The following OLA1 variants were observed in gnomAD, a reference collection of about 807,000 sequenced individuals.
OLA1 encodes obg-like ATPase 1.
OLA1 carries 14 observed loss-of-function variants against 48.4 expected under a neutral mutation model. That is an observed-to-expected ratio of 0.29 (90% confidence interval 0.19 to 0.45). OLA1 has a LOEUF of 0.45. Among genes scored for constraint, OLA1 ranks in the 20% least tolerant of loss-of-function variants. The pLI, the probability that OLA1 is intolerant of heterozygous loss-of-function variation, is 1.00. For synonymous variants in OLA1, 127 were observed against 150.4 expected (o/e 0.84, Z 1.14); for missense variants, 325 against 467.1 (o/e 0.70, Z 2.80).
chr2:174,155,035 T>G (rs895448321), intron 4 of OLA1, among the ~76,000 whole-genome samples: 3 of 152,208 alleles, frequency 2.0e-5, no homozygotes, highest in African/African-American at 7.2e-5. Flanking sequence ...AAATGGTATC[T>G]CCATAGCAAT....
intron 7 of OLA1, among the ~76,000 whole-genome samples, chr2:174,087,366 C>T (rs1685006102): frequency 2.0e-5 from 3 of 151,986 alleles, no homozygotes; most frequent in Admixed American, 2.0e-4. Context: ...TCATCAATAC[C>T]AATTTTTTCT....
intron 4 of OLA1, among the ~76,000 whole-genome samples, chr2:174,199,070 G>A (rs76375715): frequency 2.1e-3 from 312 of 147,780 alleles, no homozygotes; most frequent in African/African-American, 6.8e-3. Flanking sequence ...CATCTCTAAC[G>A]TGCTGGGTGA....
intron 5 of OLA1, among the ~76,000 whole-genome samples, chr2:174,129,241 G>A (rs767041408): frequency 6.6e-6 from 1 of 152,020 alleles, no homozygotes; most frequent in Non-Finnish European, 1.5e-5. Context: ...GGCGGATCAC[G>A]AGGTCAGGAG....
At chr2:174,105,410 T>G (rs1213182322) in intron 7 of OLA1, among the ~76,000 whole-genome samples, 2 of 152,050 alleles carry the variant, frequency 1.3e-5, no homozygotes, top group African/African-American at 4.8e-5. Flanking sequence ...TTGAGTTCTG[T>G]GTTTTCTATT....
chr2:174,153,571 C>CCTAACAGTTA (rs57128112), intron 4 of OLA1, among the ~76,000 whole-genome samples: 80,499 of 151,726 alleles, frequency 0.53, 21,919 homozygotes, highest in East Asian at 0.95. Flanking sequence ...GAAAATTCTG[C>CCTAACAGTTA]CTGGTATTTT....
chr2:174,193,467 T>C (rs1687817826), intron 4 of OLA1, among the ~76,000 whole-genome samples: 1 of 152,162 alleles, frequency 6.6e-6, no homozygotes, highest in South Asian at 2.1e-4. Context: ...TCATGGTTTT[T>C]TGTTGTTGTT....
At chr2:174,215,047 C>CAA (rs527994410) in intron 4 of OLA1, among the ~76,000 whole-genome samples, 3 of 109,752 alleles carry the variant, frequency 2.7e-5, no homozygotes, top group Non-Finnish European at 5.7e-5. Flanking sequence ...GAGACTATCT[C>CAA]AAAAAAAAAA....
intron 7 of OLA1, among the ~76,000 whole-genome samples, chr2:174,113,595 A>AC (rs763304903): frequency 4.6e-5 from 7 of 152,134 alleles, no homozygotes; most frequent in African/African-American, 1.4e-4. Context: ...CTAAAAAAAA[A>AC]CCCACAAATG....
intron 5 of OLA1, among the ~76,000 whole-genome samples, chr2:174,139,848 G>A (rs1686397696): frequency 8.1e-6 from 1 of 123,702 alleles, no homozygotes; most frequent in Non-Finnish European, 1.6e-5. Context: ...CTGGGCAACA[G>A]AGTGAGACTC....
At chr2:174,239,486 A>G (rs1393364118) in intron 2 of OLA1, among the ~76,000 whole-genome samples, 4 of 152,164 alleles carry the variant, frequency 2.6e-5, no homozygotes, top group African/African-American at 4.8e-5. Flanking sequence ...TGAGAGCTGT[A>G]CATAATAACT....
At chr2:174,090,532 G>A (rs1685090448) in intron 7 of OLA1, among the ~76,000 whole-genome samples, 1 of 152,298 alleles carries the variant, frequency 6.6e-6, no homozygotes, top group Admixed American at 6.5e-5. Flanking sequence ...TGGAGTTTGT[G>A]GGAAGGCCTG....
chr2:174,247,578 C>T, intron 1 of OLA1: 1 of 1,515,360 alleles, frequency 6.6e-7, no homozygotes, highest in Non-Finnish European at 8.9e-7. Flanking sequence ...GCAGCCAAGT[C>T]ACCCTTCACA....
intron 2 of OLA1, among the ~76,000 whole-genome samples, chr2:174,238,711 C>T (rs1375498166): frequency 6.6e-6 from 1 of 151,998 alleles, no homozygotes; most frequent in Non-Finnish European, 1.5e-5. Context: ...AATTCTACTT[C>T]TAAATATATA....
chr2:174,086,479 CTA>C, intron 7 of OLA1, among the ~76,000 whole-genome samples: 1 of 152,264 alleles, frequency 6.6e-6, no homozygotes, highest in East Asian at 1.9e-4. Context: ...CCTATATATA[CTA>C]TGTTTTTTCC....
At chr2:174,163,569 A>G (rs1210507291) in intron 4 of OLA1, among the ~76,000 whole-genome samples, 1 of 150,668 alleles carries the variant, frequency 6.6e-6, no homozygotes, top group Non-Finnish European at 1.5e-5. Flanking sequence ...GGCACCTATA[A>G]ATCCCAGCTA....
intron 4 of OLA1, among the ~76,000 whole-genome samples, chr2:174,177,388 T>A (rs1687443803): frequency 6.6e-6 from 1 of 152,158 alleles, no homozygotes; most frequent in African/African-American, 2.4e-5. Flanking sequence ...CGTTTTAGTC[T>A]AATCATCCAT....
At chr2:174,111,879 T>C (rs190756651) in intron 7 of OLA1, among the ~76,000 whole-genome samples, 178 of 152,312 alleles carry the variant, frequency 1.2e-3, no homozygotes, top group Non-Finnish European at 2.0e-3. Flanking sequence ...AGCAATAATA[T>C]GTATTTTCAA....
chr2:174,132,738 A>T (rs955677055), intron 5 of OLA1, among the ~76,000 whole-genome samples: 2 of 152,168 alleles, frequency 1.3e-5, no homozygotes, highest in Middle Eastern at 6.8e-3. Context: ...AATTTGTTTA[A>T]TTGTTTTATG....
intron 4 of OLA1, among the ~76,000 whole-genome samples, chr2:174,166,099 T>G (rs999586336): frequency 2.7e-5 from 4 of 148,830 alleles, no homozygotes; most frequent in African/African-American, 1.0e-4. Flanking sequence ...CACTCCAGCC[T>G]GGGCAACAGA....
Sources: allele counts gnomAD v4.1 joint callset (sites outside exome capture counted in the v4.1 genomes callset), GRCh38; gene constraint gnomAD v4.1.1; transcripts MANE v1.5; gene names NCBI Gene and HGNC (gene_info 2026-07-23, HGNC 2026-07-21).